Variants in MIPOL1 observed in about 807,000 individuals in gnomAD.
MIPOL1 encodes the protein mirror-image polydactyly gene 1 protein.
Under a neutral mutation model 60.9 loss-of-function variants are expected in MIPOL1, and 57 were observed. The ratio of observed to expected loss-of-function variants is 0.94; its 90% confidence interval spans 0.76 to 1.17. The LOEUF (loss-of-function observed/expected upper bound fraction) is 1.17. Among genes scored for constraint, MIPOL1 ranks in the 50% most tolerant of loss-of-function variants. The pLI is 0.00. For synonymous variants in MIPOL1, 179 were observed against 168.8 expected (o/e 1.06, Z -0.47); for missense variants, 551 against 511.6 (o/e 1.08, Z -0.74).
intron 9 of MIPOL1, among the ~76,000 whole-genome samples, chr14:37,357,503 A>G (rs2091929662): frequency 6.6e-6 from 1 of 152,166 alleles, no homozygotes; most frequent in Non-Finnish European, 1.5e-5. Context: ...TTCGTTGATG[A>G]TCAGTGATAT....
chr14:37,400,267 TAAG>T (rs1434513400), intron 10 of MIPOL1: 1 of 152,026 alleles, frequency 6.6e-6, no homozygotes, highest in Non-Finnish European at 1.5e-5. Context: ...CATTTTGAAA[TAAG>T]TAGCAAAACT....
Position 37,521,675 on chromosome 14 carries a change from T to C in MIPOL1, c.1262+21537T>C, listed in dbSNP as rs140000219. Among the ~76,000 whole-genome samples the C allele has an allele frequency of 3.9e-5, 6 of 152,166 alleles. No individual in the cohort carries two copies. In the East Asian group the frequency reaches 9.7e-4, roughly 25 times the overall value. ...TAAACAACTCAGTCAGCTGATTGAG[T>C]CATGAACTATTCTGCGGATCTCTTC... On this transcript the variant is annotated intron_variant, in intron 12 of 12. Coordinates refer to ENST00000684589, the MANE Select transcript of MIPOL1 (RefSeq NM_001388067.1).
At chr14:37,543,000 C>T (rs571325652) in intron 12 of MIPOL1, among the ~76,000 whole-genome samples, 1 of 152,106 alleles carries the variant, frequency 6.6e-6, no homozygotes, top group Non-Finnish European at 1.5e-5. Flanking sequence ...ATATTCCCCC[C>T]ACACACATAC....
chr14:37,480,230 G>C (rs2094842100), intron 11 of MIPOL1, among the ~76,000 whole-genome samples: 1 of 152,004 alleles, frequency 6.6e-6, no homozygotes, highest in South Asian at 2.1e-4. Flanking sequence ...CCTGATCCCA[G>C]AGTCAGACCA....
chr14:37,287,347 G>A (rs966893702), intron 7 of MIPOL1, among the ~76,000 whole-genome samples: 1 of 152,090 alleles, frequency 6.6e-6, no homozygotes, highest in African/African-American at 2.4e-5. Flanking sequence ...GGGCTCAAGT[G>A]ATCCTCCTAC....
chr14:37,462,677 T>C (rs2094553534), intron 11 of MIPOL1, among the ~76,000 whole-genome samples: 1 of 152,192 alleles, frequency 6.6e-6, no homozygotes, highest in South Asian at 2.1e-4. Flanking sequence ...CCCTAAATCA[T>C]GTCTCTCAAG....
chr14:37,508,872 C>T (rs1175398552), intron 12 of MIPOL1, among the ~76,000 whole-genome samples: 1 of 152,020 alleles, frequency 6.6e-6, no homozygotes, highest in East Asian at 1.9e-4. Flanking sequence ...CAAATGCAGT[C>T]AACTTTTAGA....
intron 12 of MIPOL1, among the ~76,000 whole-genome samples, chr14:37,501,261 T>C (rs902883934): frequency 2.6e-5 from 4 of 152,238 alleles, no homozygotes; most frequent in African/African-American, 9.6e-5. Context: ...ATTCACAATG[T>C]ACGTTAATAT....
chr14:37,212,079 A>G (rs72669602), intron 1 of MIPOL1, among the ~76,000 whole-genome samples: 6,996 of 152,174 alleles, frequency 0.046, 318 homozygotes, highest in Admixed American at 0.1. Context: ...CCCAGGTACT[A>G]CATCAAGGGT....
At chr14:37,412,536 T>G (rs534082138) in intron 10 of MIPOL1, among the ~76,000 whole-genome samples, 7 of 152,196 alleles carry the variant, frequency 4.6e-5, no homozygotes, top group Middle Eastern at 6.8e-3. Flanking sequence ...CTCACAAGAT[T>G]AATGTTGAGC....
chr14:37,229,582 T>C (rs12882311), intron 1 of MIPOL1, among the ~76,000 whole-genome samples: 39,465 of 152,056 alleles, frequency 0.26, 5,272 homozygotes, highest in South Asian at 0.33. Flanking sequence ...GTCAACAACA[T>C]GAAGAGATAT....
At chr14:37,295,641 A>G (rs1794421640) in intron 7 of MIPOL1, among the ~76,000 whole-genome samples, 1 of 152,212 alleles carries the variant, frequency 6.6e-6, no homozygotes, top group African/African-American at 2.4e-5. Context: ...AAAAAAAGGC[A>G]GGGGTTGCAA....
intron 12 of MIPOL1, among the ~76,000 whole-genome samples, chr14:37,521,454 G>A (rs1402931895): frequency 2.0e-5 from 3 of 152,154 alleles, no homozygotes; most frequent in Admixed American, 1.3e-4. Flanking sequence ...TATAGATCTC[G>A]TGAAGAGAAT....
At chr14:37,448,387 GT>G (rs1177688675) in intron 11 of MIPOL1, among the ~76,000 whole-genome samples, 1 of 152,186 alleles carries the variant, frequency 6.6e-6, no homozygotes, top group African/African-American at 2.4e-5. Flanking sequence ...ACTGGTATTT[GT>G]AGTAGTTTAT....
chr14:37,520,344 A>G (rs758594679), intron 12 of MIPOL1, among the ~76,000 whole-genome samples: 2 of 152,206 alleles, frequency 1.3e-5, no homozygotes, highest in Non-Finnish European at 2.9e-5. Flanking sequence ...TATGACTTTT[A>G]TGAAAGTTAG....
intron 11 of MIPOL1, among the ~76,000 whole-genome samples, chr14:37,491,725 T>C (rs1364200679): frequency 6.6e-6 from 1 of 152,188 alleles, no homozygotes; most frequent in Non-Finnish European, 1.5e-5. Context: ...TCTTGAAATT[T>C]TAAGTTCAGT....
chr14:37,290,522 A>G (rs543123185), intron 7 of MIPOL1, among the ~76,000 whole-genome samples: 5 of 152,108 alleles, frequency 3.3e-5, no homozygotes, highest in Admixed American at 1.3e-4. Context: ...CACCGTGCCC[A>G]GCTGTGAGTG....
chr14:37,524,565 C>CTTTTTTTTTTTTTTTTT (rs1173993657), intron 12 of MIPOL1, among the ~76,000 whole-genome samples: 1 of 124,848 alleles, frequency 8.0e-6, no homozygotes, highest in Non-Finnish European at 1.6e-5. Context: ...TTTTCTTTTT[C>CTTTTTTTTTTTTTTTTT]TTTTCTTTTT....
intron 12 of MIPOL1, among the ~76,000 whole-genome samples, chr14:37,542,071 T>C (rs1357840792): frequency 6.6e-6 from 1 of 152,224 alleles, no homozygotes; most frequent in African/African-American, 2.4e-5. Flanking sequence ...ATTCCATTCA[T>C]GCTTTTTCTC....
Sources: gnomAD v4.1 joint callset for allele counts (sites outside exome capture counted in the v4.1 genomes callset) on GRCh38, gnomAD v4.1.1 for gene constraint, MANE v1.5 for transcripts, NCBI Gene and HGNC (gene_info 2026-07-23, HGNC 2026-07-21) for gene names.